APC2: variants seen among roughly 807,000 people sequenced by gnomAD.
APC2 encodes adenomatous polyposis coli protein 2.
Under a neutral mutation model 72.5 loss-of-function variants are expected in APC2, and 41 were observed. The observed-to-expected ratio is 0.57, with a 90% CI of 0.44 to 0.73. The LOEUF (loss-of-function observed/expected upper bound fraction) is 0.73, where lower values mean the gene tolerates loss of function less well. Ranked by LOEUF, APC2 falls within the 30% of genes least tolerant of loss-of-function variation. The probability of loss-of-function intolerance (pLI) is 0.00; values close to 1 mark genes in which losing one functional copy is unlikely to be tolerated. For missense variants in APC2, 3,729 were observed against 3,403.4 expected, an observed-to-expected ratio of 1.10 and a Z score of -2.38; for synonymous variants, 1,898 against 1,612.0, an observed-to-expected ratio of 1.18 and a Z score of -4.25.
upstream of APC2, among the ~76,000 whole-genome samples, chr19:1,447,573 T>C (rs926780043): frequency 1.3e-5 from 2 of 149,200 alleles, no homozygotes; most frequent in Admixed American, 1.3e-4. Flanking sequence ...CCTAGGGGGC[T>C]GTGGGGGGTT....
chr19:1,463,052 G>C (rs1309595044), intron 14 of APC2, among the ~76,000 whole-genome samples: 1 of 151,982 alleles, frequency 6.6e-6, no homozygotes, highest in Non-Finnish European at 1.5e-5. Flanking sequence ...GAGGTGGGCG[G>C]ATCACCTGAG....
At chr19:1,449,957 C>T (rs986170062), upstream of APC2, among the ~76,000 whole-genome samples, 6 of 152,296 alleles carry the variant, frequency 3.9e-5, no homozygotes, top group African/African-American at 1.2e-4. Context: ...GGTTTCGCCC[C>T]CCGCACTCAC....
In APC2 at chr19:1,457,164, G is replaced by T; in HGVS notation, c.1128G>T (p.Gln376His). Residue 376 changes from glutamine to histidine, a missense_variant, in exon 9 of 15, where the codon CAG (glutamine) becomes CAT (histidine). Physicochemically the swap from Gln to His is conservative, Grantham distance 24. Coordinates refer to ENST00000590469, the MANE Select transcript of APC2 (RefSeq NM_005883.3). ...KEMRVLHVLEQIRAYCETCWD... is the reference protein window; with the variant it reads ...KEMRVLHVLEHIRAYCETCWD... ...TGCGCGTCCTGCACGTGCTGGAGCAGATCCGGGCCTACTGCGAGACCTGCT... is the reference window on the plus strand; with the variant it reads ...TGCGCGTCCTGCACGTGCTGGAGCATATCCGGGCCTACTGCGAGACCTGCT... The T allele has an allele frequency of 1.3e-6, 2 of 1,584,710 alleles. No homozygotes were observed. Among genetic ancestry groups the T allele is most frequent in the Non-Finnish European group, 1.7e-6 (2 of 1,168,130 alleles).
chr19:1,457,962 CAGCCCCGATCCCCATCGAGCCGCAG>C lies in APC2; in HGVS notation c.1208-1_1231del. 1 of 1,551,394 alleles carries C rather than the reference CAGCCCCGATCCCCATCGAGCCGCAG, an allele frequency of 6.4e-7. No individual in the cohort carries two copies. On this transcript the variant is annotated splice_acceptor_variant and coding_sequence_variant, in exon 10 of 15. Transcript: ENST00000590469. LOFTEE classifies it high-confidence loss of function. ...GGCTCTGATCTGGTCCCTGTGCCCA[CAGCCCCGATCCCCATCGAGCCGCAG>C]ATCTGCCAGGCCACCTGTGCTGTTA...
At position 1,458,012 on chromosome 19, in the gene APC2, A is replaced by G; in HGVS notation, c.1255A>G (p.Met419Val). 1.3e-6 allele frequency: 2 copies of G among 1,567,608 alleles called. No individual in the cohort carries two copies. The highest frequency in any genetic ancestry group is 1.7e-6 in the Non-Finnish European group (2 of 1,155,170). The change falls in exon 10 of 15, where the codon ATG (methionine) becomes GTG (valine). Residue 419 changes from methionine to valine, a missense_variant. Physicochemically the swap from Met to Val is conservative, Grantham distance 21. Transcript: ENST00000590469. ...GATCTGCCAGGCCACCTGTGCTGTT[A>G]TGAAGCTGTCCTTTGATGAGGAGTA... ...PQICQATCAV[M>V]KLSFDEEYRR...
At position 1,453,538 on chromosome 19, in the gene APC2, G is replaced by C. The variant is rs778302871; in HGVS notation, c.340G>C (p.Gly114Arg). 2.5e-6 allele frequency: 4 copies of C among 1,611,618 alleles called. No individual in the cohort carries two copies. The African/African-American group carries it at 5.3e-5, about 22-fold the overall frequency. ...TPEGSPVHGS[G>R]PSKDSFGELS... ...CGAGGGCAGCCCAGTACACGGCTCC[G>C]GGCCCTCCAAGGACAGCTTTGGGGA... Residue 114 changes from glycine (G) to arginine (R), a missense_variant, in exon 4 of 15, where the codon GGG becomes CGG. Physicochemically the swap from Gly to Arg is moderately radical, Grantham distance 125. Transcript: ENST00000590469.
chr19:1,466,442 G>C lies in APC2; in HGVS notation c.3141G>C (p.Pro1047=). The change falls in exon 15 of 15, where the codon CCG becomes CCC. Residue 1047 remains proline (P), a synonymous_variant. Coordinates refer to ENST00000590469, the MANE Select transcript of APC2 (RefSeq NM_005883.3). ...SKVPEKLAAA[P]LSVASKALQK... ...TTCCCGAGAAGCTGGCGGCTGCCCC[G>C]CTGTCTGTGGCCAGCAAGGCACTGC... The C allele has an allele frequency of 6.3e-7, 1 of 1,597,252 alleles. No homozygotes were observed. Among genetic ancestry groups the C allele is most frequent in the Non-Finnish European group, 8.5e-7 (1 of 1,179,076 alleles).
chr19:1,457,461 G>A (rs1599139887), intron 9 of APC2: 1 of 642,834 alleles, frequency 1.6e-6, no homozygotes, highest in Non-Finnish European at 2.5e-6. Context: ...GGAAGTCGCT[G>A]AATGCATGGA....
chr19:1,463,293 C>T (rs1464087267), intron 14 of APC2, among the ~76,000 whole-genome samples: 1 of 151,774 alleles, frequency 6.6e-6, no homozygotes, highest in Admixed American at 6.6e-5. Context: ...TGGCGGGCAC[C>T]TGTGGTCCCA....
intron 8 of APC2, 68 bp from the exon 9 acceptor site, chr19:1,456,785 T>G: frequency 6.5e-7 from 1 of 1,527,270 alleles, no homozygotes; most frequent in East Asian, 2.5e-5. Flanking sequence ...GTCACAGGGC[T>G]CCGACCGGGT....
At chr19:1,460,734 C>T (rs1340767246) in intron 11 of APC2, 46 bp from the exon 12 acceptor site, 4 of 1,583,276 alleles carry the variant, frequency 2.5e-6, no homozygotes, top group Non-Finnish European at 3.5e-6. Context: ...GGCACAGTCT[C>T]CCTTGTGTCC....
In APC2 at chr19:1,450,132, G is replaced by T; in HGVS notation, c.-225G>T. The T allele has an allele frequency of 1.0e-6, 1 of 985,094 alleles. No individual in the cohort carries two copies. Among genetic ancestry groups the T allele is most frequent in the Non-Finnish European group, 1.2e-6 (1 of 829,806 alleles). 61.0% of individuals were successfully genotyped at this position (985,094 alleles called of 1,614,324 possible). ...ATCCTCCCCCGCTCGCGGTGGTCTCGCCCAGCGCTAGGAGCGGCAGCGCCG... is the reference window on the plus strand; with the variant it reads ...ATCCTCCCCCGCTCGCGGTGGTCTCTCCCAGCGCTAGGAGCGGCAGCGCCG... On this transcript the variant is annotated 5_prime_UTR_variant, in exon 1 of 15. Transcript: ENST00000590469.
Position 1,467,017 on chromosome 19 carries a change from G to C in APC2, c.3716G>C (p.Arg1239Pro). The change falls in exon 15 of 15, where the codon CGC (arginine) becomes CCC (proline). Residue 1239 changes from arginine to proline, a missense_variant. By Grantham distance (103) the Arg-to-Pro change is moderately radical. Transcript: ENST00000590469. ...CTGCAGTGGGAGAGCTACGTGAAGC[G>C]CTTCCTGGACATCGCCGACTGCCGG... is the stretch of plus-strand genomic sequence containing the variant. ...FSLQWESYVK[R>P]FLDIADCRER... 2 of 1,610,724 alleles carry C rather than the reference G, an allele frequency of 1.2e-6. No homozygotes were observed. Among genetic ancestry groups the C allele is most frequent in the Non-Finnish European group, 1.7e-6 (2 of 1,179,228 alleles).
At chr19:1,457,918 GA>G (rs1304331650) in intron 9 of APC2, 46 bp from the exon 10 acceptor site, 2 of 1,484,990 alleles carry the variant, frequency 1.3e-6, no homozygotes, top group Non-Finnish European at 1.8e-6. Context: ...AGTCACCTGG[GA>G]CATTTCCTGG....
Position 1,469,458 on chromosome 19 carries a change from G to T in APC2, c.6157G>T (p.Gly2053Cys). Residue 2053 changes from glycine (G) to cysteine (C), a missense_variant, in exon 15 of 15, where the codon GGC (glycine) becomes TGC (cysteine). By Grantham distance (159) the Gly-to-Cys change is radical. Transcript: ENST00000590469. ...CEELRAAPRQ[G>C]PAPARQRPPA... ...AGAGCTCCGAGCGGCACCCCGGCAG[G>T]GCCCGGCCCCGGCCCGGCAGCGGCC... The T allele has an allele frequency of 8.8e-7, 1 of 1,139,148 alleles. No homozygotes were observed. Among genetic ancestry groups the T allele is most frequent in the South Asian group, 3.6e-5 (1 of 28,002 alleles). 70.6% of individuals were successfully genotyped at this position (1,139,148 alleles called of 1,614,324 possible). A position where few individuals can be genotyped will look rare whatever the true frequency, so the allele number is the denominator to read the frequency against.
chr19:1,457,785 GAGAGAGGCCACCCCATCATCCCATCTT>G, intron 9 of APC2, 153 bp from the exon 10 acceptor site: 2 of 628,416 alleles, frequency 3.2e-6, no homozygotes, highest in Non-Finnish European at 5.7e-6. Flanking sequence ...AAGGCTGAGT[GAGAGAGGCCACCCCATCATCCCATCTT>G]AGAGAGGCTG....
chr19:1,469,702 G>A lies in APC2; in HGVS notation c.6401G>A (p.Arg2134Gln), dbSNP rs757123274. 4.4e-6 allele frequency: 6 copies of A among 1,378,558 alleles called. No homozygotes were observed. In the East Asian group the frequency reaches 9.3e-5, roughly 21 times the overall value. The allele number at this position is 1,378,558 out of a possible 1,614,324, so 85.4% of individuals were successfully genotyped here. Residue 2134 changes from arginine to glutamine, a missense_variant, in exon 15 of 15, where the codon CGG becomes CAG. Arg to Gln is a conservative substitution (Grantham distance 43, BLOSUM62 1). Coordinates refer to ENST00000590469, the MANE Select transcript of APC2 (RefSeq NM_005883.3). Reference sequence around the variant, plus strand: ...CGCCGCAGCAGCGACGGGGAGCCCCGGCCGCTCCCCAGGGTGGCCGCGCCG... The same window carrying A: ...CGCCGCAGCAGCGACGGGGAGCCCCAGCCGCTCCCCAGGGTGGCCGCGCCG... Reference protein sequence around the residue: ...AARRSSDGEPRPLPRVAAPGT... With the variant: ...AARRSSDGEPQPLPRVAAPGT...
rs1375893713 is a variant in APC2, at chr19:1,469,095, T to C, written c.5794T>C (p.Phe1932Leu). The part of the protein sequence containing the change: ...KTQRSPVRIP[F>L]MQRPARRGPP... ...GCAGAGATCGCCCGTGCGGATCCCG[T>C]TCATGCAGAGGCCGGCCCGGCGTGG... is the stretch of plus-strand genomic sequence containing the variant. Residue 1932 changes from phenylalanine to leucine, a missense_variant, in exon 15 of 15, where the codon TTC becomes CTC. Phe to Leu is a conservative substitution (Grantham distance 22). Transcript: ENST00000590469. 6.8e-7 allele frequency: 1 copy of C among 1,462,600 alleles called. No individual in the cohort carries two copies. Among genetic ancestry groups the C allele is most frequent in the Non-Finnish European group, 9.1e-7 (1 of 1,101,684 alleles). The allele number at this position is 1,462,600 out of a possible 1,614,324, so 90.6% of individuals were successfully genotyped here.
chr19:1,452,930 A>G lies in APC2; in HGVS notation c.-18-54A>G, dbSNP rs1281145995. ...GTCAGGGGCCGTCTGTCCGGAAGGC[A>G]TCACCGCGCCCTCCCCAGACCATCA... On this transcript the variant is annotated intron_variant, in intron 1 of 14. Transcript: ENST00000590469. This position sits in a 1 kb window ranked among gnomAD's most constrained non-coding sequence, Gnocchi z 5.1. 1.9e-6 allele frequency: 3 copies of G among 1,574,038 alleles called. No homozygotes were observed. Among genetic ancestry groups the G allele is most frequent in the South Asian group, 1.2e-5 (1 of 84,950 alleles).
Sources: gnomAD v4.1 joint callset for allele counts (sites outside exome capture counted in the v4.1 genomes callset) on GRCh38, gnomAD v4.1.1 for gene constraint, Gnocchi (gnomAD v3.1) non-coding constraint, MANE v1.5 for transcripts, NCBI Gene and HGNC (gene_info 2026-07-23, HGNC 2026-07-21) for gene names.